The following SUV39H2 variants were observed in gnomAD, a reference collection of about 807,000 sequenced individuals.
SUV39H2 encodes the protein SUV39H2 histone lysine methyltransferase.
In SUV39H2, 10 loss-of-function variants were observed where a neutral mutation model predicts 47.5. The ratio of observed to expected loss-of-function variants is 0.21; its 90% CI spans 0.13 to 0.36. The LOEUF is 0.36. Ranked by LOEUF, SUV39H2 falls within the 10% of genes least tolerant of loss-of-function variation. The probability of loss-of-function intolerance (pLI) is 1.00; values close to 1 mark genes in which losing one functional copy is unlikely to be tolerated. For missense variants in SUV39H2, 266 were observed against 487.4 expected (o/e 0.55, Z 4.28); for synonymous variants, 159 against 166.8 (o/e 0.95, Z 0.36).
At position 14,887,205 on chromosome 10, in the gene SUV39H2, C is replaced by T. The variant is rs534846149; in HGVS notation, c.177+5560C>T. ...AATGGTGCTTGGACTAAAGTATTAACGATGTCAAGGAAAAGTAGGTGCACG... is the reference window on the plus strand; with the variant it reads ...AATGGTGCTTGGACTAAAGTATTAATGATGTCAAGGAAAAGTAGGTGCACG... On this transcript the variant is annotated intron_variant, in intron 2 of 5. Transcript: ENST00000354919. Among the ~76,000 whole-genome samples, 5 of 151,972 alleles carry T rather than the reference C, an allele frequency of 3.3e-5. No homozygotes were observed. In the South Asian group the frequency reaches 6.2e-4, roughly 19 times the overall value.
At chr10:14,899,503 T>C (rs777408336) in intron 3 of SUV39H2, 36 bp from the exon 4 acceptor site, 2 of 1,606,796 alleles carry the variant, frequency 1.2e-6, no homozygotes, top group Non-Finnish European at 8.5e-7. Context: ...TTTGGTTCAG[T>C]AGCTACGTAA....
chr10:14,889,220 T>C (rs1306993978), intron 2 of SUV39H2, among the ~76,000 whole-genome samples: 7 of 152,192 alleles, frequency 4.6e-5, no homozygotes, highest in Admixed American at 3.3e-4. Flanking sequence ...TAAGGGTGTT[T>C]ATAATTTTTT....
chr10:14,898,867 TAA>T (rs1442320393), intron 3 of SUV39H2: 1 of 214,190 alleles, frequency 4.7e-6, no homozygotes, highest in Non-Finnish European at 9.1e-6. Context: ...TGCATATATA[TAA>T]GTTATAGGAA....
intron 2 of SUV39H2, among the ~76,000 whole-genome samples, chr10:14,893,342 C>T (rs1833457753): frequency 6.6e-6 from 1 of 152,090 alleles, no homozygotes; most frequent in African/African-American, 2.4e-5. Context: ...CCATGTTGGC[C>T]AGGCTGTTCT....
intron 2 of SUV39H2, among the ~76,000 whole-genome samples, chr10:14,885,104 C>A (rs759664062): frequency 2.0e-5 from 3 of 152,120 alleles, no homozygotes; most frequent in Non-Finnish European, 4.4e-5. Context: ...CTGTTCTTGG[C>A]CTTCTCACCT....
intron 2 of SUV39H2, among the ~76,000 whole-genome samples, chr10:14,890,042 G>C (rs1393160979): frequency 6.6e-6 from 1 of 152,088 alleles, no homozygotes; most frequent in African/African-American, 2.4e-5. Flanking sequence ...AAGTATACAG[G>C]TACTTTTGTG....
At chr10:14,884,119 A>T (rs1358828479) in intron 2 of SUV39H2, among the ~76,000 whole-genome samples, 3 of 152,252 alleles carry the variant, frequency 2.0e-5, no homozygotes, top group Non-Finnish European at 2.9e-5. Context: ...GACTATTATA[A>T]ATAAGGCTGT....
In SUV39H2 at chr10:14,897,445, T is replaced by C. The variant is rs1450300391; in HGVS notation, c.777T>C (p.Asn259=). ...CGCTTTGCATCTTTCGAACTAGCAA[T>C]GGACGTGGCTGGGGTGTAAAGACCC... ...QYSLCIFRTS[N]GRGWGVKTLV... is the part of the protein sequence containing the mutation. Residue 259 remains asparagine (N), a synonymous_variant, in exon 3 of 6, where the codon AAT becomes AAC. Coordinates refer to ENST00000354919, the MANE Select transcript of SUV39H2 (RefSeq NM_001193424.2). 1.2e-6 allele frequency: 2 copies of C among 1,612,038 alleles called. No individual in the cohort carries two copies. Among genetic ancestry groups the C allele is most frequent in the South Asian group, 1.1e-5 (1 of 90,870 alleles).
Position 14,901,376 on chromosome 10 carries a change from G to A in SUV39H2, c.1126+114G>A, listed in dbSNP as rs557762118. On this transcript the variant is annotated intron_variant, in intron 5 of 5. Transcript: ENST00000354919. ...AACCTAATACTAAAGATGAAAAGTT[G>A]AGGCACTAAGTTTGTCATCCTAAGG... The A allele has an allele frequency of 9.8e-5, 137 of 1,394,198 alleles. 3 individuals are homozygous for A. The South Asian group carries it at 1.6e-3, about 17-fold the overall frequency. 86.4% of individuals were successfully genotyped at this position (1,394,198 alleles called of 1,614,324 possible).
intron 2 of SUV39H2, among the ~76,000 whole-genome samples, chr10:14,887,950 G>A (rs1213787260): frequency 2.0e-5 from 3 of 152,186 alleles, no homozygotes; most frequent in African/African-American, 7.2e-5. Flanking sequence ...TGACTTCAAG[G>A]AGTAGAAAGA....
At chr10:14,892,816 C>CTTTTT (rs543122499) in intron 2 of SUV39H2, among the ~76,000 whole-genome samples, 1 of 139,504 alleles carries the variant, frequency 7.2e-6, no homozygotes, top group South Asian at 2.3e-4. Context: ...GGGGAAATGT[C>CTTTTT]TTTTTTTTTT....
chr10:14,899,523 A>G lies in SUV39H2; in HGVS notation c.850-16A>G, dbSNP rs1833851122. 1.2e-6 allele frequency: 2 copies of G among 1,613,028 alleles called. No individual in the cohort carries two copies. The highest frequency in any genetic ancestry group is 1.1e-5 in the South Asian group (1 of 90,846). ...TTCAGTAGCTACGTAATATACTTAC[A>G]GTTTTTTCTGTTTAGGTAATCACAA... On this transcript the variant is annotated splice_polypyrimidine_tract_variant and intron_variant, in intron 3 of 5. Coordinates refer to ENST00000354919, the MANE Select transcript of SUV39H2 (RefSeq NM_001193424.2).
Position 14,892,951 on chromosome 10 carries a change from C to G in SUV39H2, c.178-3895C>G, listed in dbSNP as rs374454318. Among the ~76,000 whole-genome samples the G allele has an allele frequency of 2.7e-3, 412 of 150,164 alleles. 2 individuals carry two copies. The highest frequency in any genetic ancestry group is 9.6e-3 in the African/African-American group (392 of 40,832). On this transcript the variant is annotated intron_variant, in intron 2 of 5. Coordinates refer to ENST00000354919, the MANE Select transcript of SUV39H2 (RefSeq NM_001193424.2). The stretch of plus-strand genomic sequence containing the variant: ...TCTCCTGCCTCAGCCTCCCAAGTAG[C>G]TGGGATTACAGGTGCCTGCCCACCA...
chr10:14,889,683 G>A (rs1467086939), intron 2 of SUV39H2, among the ~76,000 whole-genome samples: 1 of 152,198 alleles, frequency 6.6e-6, no homozygotes, highest in Non-Finnish European at 1.5e-5. Flanking sequence ...AACACAGGAG[G>A]TAGGGGTGGG....
chr10:14,894,435 T>TC lies in SUV39H2; in HGVS notation c.178-2410dup, dbSNP rs1192840006. On this transcript the variant is annotated intron_variant, in intron 2 of 5. Transcript: ENST00000354919. Reference sequence around the variant, plus strand: ...CAGGCTGGAGTGCAGTGGCGCGATCTCGACTCACTGCAAGCTCCGCCTCCC... The same window carrying TC: ...CAGGCTGGAGTGCAGTGGCGCGATCTCCGACTCACTGCAAGCTCCGCCTCCC... Among the ~76,000 whole-genome samples, 27 of 53,010 alleles carry TC rather than the reference T, an allele frequency of 5.1e-4. 5 individuals carry two copies. Among genetic ancestry groups the TC allele is most frequent in the African/African-American group, 1.0e-3 (5 of 4,844 alleles). 34.8% of individuals were successfully genotyped at this position (53,010 alleles called of 152,430 possible).
rs1463807059 is a variant in SUV39H2, at chr10:14,903,401, C to A, written c.*889C>A. 2 of 152,188 alleles carry A rather than the reference C, an allele frequency of 1.3e-5. No homozygotes were observed. The highest frequency in any genetic ancestry group is 4.8e-5 in the African/African-American group (2 of 41,450). 9.4% of individuals were successfully genotyped at this position (152,188 alleles called of 1,614,324 possible). A position where few individuals can be genotyped will look rare whatever the true frequency, so the allele number is the denominator to read the frequency against. On this transcript the variant is annotated 3_prime_UTR_variant, in exon 6 of 6. Coordinates refer to ENST00000354919, the MANE Select transcript of SUV39H2 (RefSeq NM_001193424.2). ...CAAGCTGCCTGGAGAGCAGCTGTAC[C>A]TAACAATACTGTAATGTACATTAAC...
chr10:14,882,792 C>G (rs1440281095), intron 2 of SUV39H2, among the ~76,000 whole-genome samples: 3 of 152,020 alleles, frequency 2.0e-5, no homozygotes, highest in Non-Finnish European at 2.9e-5. Context: ...TCACCACCAG[C>G]TGTTCACACT....
chr10:14,885,577 G>A (rs1424850794), intron 2 of SUV39H2, among the ~76,000 whole-genome samples: 2 of 152,128 alleles, frequency 1.3e-5, no homozygotes, highest in Non-Finnish European at 2.9e-5. Flanking sequence ...CATTTTTGCT[G>A]TTTAGTTTCT....
In SUV39H2 at chr10:14,881,550, A is replaced by C. The variant is rs1238688188; in HGVS notation, c.82A>C (p.Arg28=). The change falls in exon 2 of 6, where the codon AGA becomes CGA. Residue 28 remains arginine, a synonymous_variant. Coordinates refer to ENST00000354919, the MANE Select transcript of SUV39H2 (RefSeq NM_001193424.2). The part of the protein sequence containing the change: ...VSLDTLQELC[R]KEKLTCKSIG... ...ACTTGATACTCTTCAGGAATTATGT[A>C]GAAAAGAAAAGCTCACATGTAAATC... 1 of 1,606,026 alleles carries C rather than the reference A, an allele frequency of 6.2e-7. No individual in the cohort carries two copies. The highest frequency in any genetic ancestry group is 1.3e-5 in the African/African-American group (1 of 74,600).
Sources: gnomAD v4.1 joint callset for allele counts (sites outside exome capture counted in the v4.1 genomes callset) on GRCh38, gnomAD v4.1.1 for gene constraint, MANE v1.5 for transcripts, NCBI Gene and HGNC (gene_info 2026-07-23, HGNC 2026-07-21) for gene names.